The following CFAP90 variants were observed in gnomAD, a reference collection of about 807,000 sequenced individuals.
CFAP90 encodes cilia- and flagella-associated protein 90.
the CFAP90 span, among the ~76,000 whole-genome samples, chr5:7,845,262 A>G: frequency 3.9e-5 from 6 of 152,296 alleles, no homozygotes; most frequent in South Asian, 2.1e-4. Flanking sequence ...GGGGGTTACA[A>G]TTGGAGATGA....
At chr5:7,841,044 G>A in the CFAP90 span, among the ~76,000 whole-genome samples, 4 of 152,010 alleles carry the variant, frequency 2.6e-5, no homozygotes, top group African/African-American at 9.7e-5. Flanking sequence ...ACTACGAACT[G>A]CATAAACAGA....
At chr5:7,835,393 C>G in the CFAP90 span, 1 of 1,574,628 alleles carries the variant, frequency 6.4e-7, no homozygotes. Flanking sequence ...TCTTCGTTAA[C>G]ATGAAGTCCC....
the CFAP90 span, chr5:7,831,240 C>CCTTA: frequency 2.0e-5 from 3 of 152,278 alleles, no homozygotes; most frequent in African/African-American, 7.2e-5. Context: ...GGCCACCCAT[C>CCTTA]CTTACTAGGG....
the CFAP90 span, chr5:7,835,574 C>A: frequency 9.0e-6 from 7 of 778,952 alleles, no homozygotes; most frequent in African/African-American, 3.5e-5. Context: ...AGCACAGAGG[C>A]CAGTTCTTTC....
chr5:7,844,406 G>A, the CFAP90 span, among the ~76,000 whole-genome samples: 15 of 152,254 alleles, frequency 9.9e-5, no homozygotes, highest in African/African-American at 3.1e-4. Context: ...TTGGCTTTCC[G>A]ATTATTCATT....
the CFAP90 span, among the ~76,000 whole-genome samples, chr5:7,837,421 GGTTTT>G: frequency 6.6e-6 from 1 of 152,218 alleles, no homozygotes; most frequent in South Asian, 2.1e-4. Flanking sequence ...ATGCTTGGTT[GGTTTT>G]GTTTTGTTTT....
the CFAP90 span, among the ~76,000 whole-genome samples, chr5:7,848,550 C>T: frequency 5.5e-4 from 83 of 152,282 alleles, no homozygotes; most frequent in African/African-American, 1.9e-3. Flanking sequence ...TGAAGGAATG[C>T]CCTGTTCCAG....
the CFAP90 span, among the ~76,000 whole-genome samples, chr5:7,837,187 T>C: frequency 6.6e-6 from 1 of 152,170 alleles, no homozygotes; most frequent in East Asian, 1.9e-4. Context: ...AGAGCCATTA[T>C]CTGTATTATC....
the CFAP90 span, among the ~76,000 whole-genome samples, chr5:7,846,402 G>A: frequency 2.6e-5 from 4 of 152,172 alleles, no homozygotes; most frequent in Admixed American, 2.6e-4. Context: ...CTCAAGGTTG[G>A]GCAGTCCAAG....
chr5:7,842,709 G>GA, the CFAP90 span, among the ~76,000 whole-genome samples: 3 of 152,038 alleles, frequency 2.0e-5, no homozygotes, highest in African/African-American at 7.2e-5. Flanking sequence ...CTATGAATGA[G>GA]AAAAAAATAA....
At chr5:7,842,173 CA>C in the CFAP90 span, among the ~76,000 whole-genome samples, 1 of 151,898 alleles carries the variant, frequency 6.6e-6, no homozygotes, top group African/African-American at 2.4e-5. Context: ...CTCTTACTCC[CA>C]GAAGTTGCAC....
the CFAP90 span, chr5:7,850,840 C>T: frequency 8.7e-7 from 1 of 1,149,002 alleles, no homozygotes; most frequent in Non-Finnish European, 1.1e-6. Flanking sequence ...AGCCGCCCAG[C>T]CTTCCGGTCT....
the CFAP90 span, chr5:7,831,789 C>G: frequency 4.0e-6 from 6 of 1,517,182 alleles, no homozygotes; most frequent in African/African-American, 6.9e-5. Flanking sequence ...GCCACCTTCT[C>G]GCTGTGCAAA....
chr5:7,843,727 T>C, the CFAP90 span, among the ~76,000 whole-genome samples: 32 of 152,216 alleles, frequency 2.1e-4, no homozygotes, highest in African/African-American at 7.5e-4. Flanking sequence ...CAATCTTATA[T>C]GTTCCTCTTG....
At chr5:7,831,753 T>A in the CFAP90 span, 3 of 1,219,434 alleles carry the variant, frequency 2.5e-6, no homozygotes, top group African/African-American at 4.5e-5. Flanking sequence ...CTAGGCGTCA[T>A]GAGAAGGGGA....
chr5:7,838,950 T>A, the CFAP90 span, among the ~76,000 whole-genome samples: 4 of 152,200 alleles, frequency 2.6e-5, no homozygotes, highest in East Asian at 7.7e-4. Flanking sequence ...GTTTTCATGC[T>A]GCTGATAAAG....
At chr5:7,832,353 C>T in the CFAP90 span, among the ~76,000 whole-genome samples, 1 of 152,276 alleles carries the variant, frequency 6.6e-6, no homozygotes, top group Non-Finnish European at 1.5e-5. Context: ...TCCCACCACC[C>T]AGATCCTGGC....
At chr5:7,839,387 A>G in the CFAP90 span, among the ~76,000 whole-genome samples, 3 of 152,218 alleles carry the variant, frequency 2.0e-5, no homozygotes, top group African/African-American at 7.2e-5. Flanking sequence ...TTTCTTCTGC[A>G]CAGTGCTTTT....
the CFAP90 span, among the ~76,000 whole-genome samples, chr5:7,836,960 A>G: frequency 1.3e-5 from 2 of 152,104 alleles, no homozygotes; most frequent in African/African-American, 4.8e-5. Context: ...ATTTTGGTGT[A>G]TTGGTTCCTG....
Sources: gnomAD v4.1 joint callset for allele counts (sites outside exome capture counted in the v4.1 genomes callset) on GRCh38, gnomAD v4.1.1 for gene constraint, MANE v1.5 for transcripts, NCBI Gene and HGNC (gene_info 2026-07-23, HGNC 2026-07-21) for gene names.